The following ASPH variants were observed in gnomAD, a reference collection of about 807,000 sequenced individuals.
The protein encoded by ASPH is aspartate beta-hydroxylase.
Under a neutral mutation model 118.4 loss-of-function variants are expected in ASPH, and 100 were observed. The observed-to-expected ratio is 0.84, with a 90% CI of 0.72 to 1.00. The LOEUF (loss-of-function observed/expected upper bound fraction) is 1.00, where lower values mean the gene tolerates loss of function less well. Among genes scored for constraint, ASPH ranks in the 50% least tolerant of loss-of-function variants. The pLI is 0.00. For synonymous variants in ASPH, 315 were observed against 325.6 expected (o/e 0.97, Z 0.35); for missense variants, 920 against 919.5 (o/e 1.00, Z -0.01).
chr8:61,533,783 A>G (rs1439874249), intron 21 of ASPH, among the ~76,000 whole-genome samples: 1 of 152,136 alleles, frequency 6.6e-6, no homozygotes, highest in Non-Finnish European at 1.5e-5. Context: ...CAAATCATCT[A>G]CTTCTGTTTT....
intron 1 of ASPH, among the ~76,000 whole-genome samples, chr8:61,686,376 A>T (rs1425538963): frequency 6.6e-6 from 1 of 152,106 alleles, no homozygotes; most frequent in African/African-American, 2.4e-5. Flanking sequence ...GGTTTCCAAA[A>T]TTTTTATGTG....
At chr8:61,573,561 A>G (rs1178691464) in intron 16 of ASPH, among the ~76,000 whole-genome samples, 3 of 152,190 alleles carry the variant, frequency 2.0e-5, no homozygotes, top group Admixed American at 1.3e-4. Context: ...ATAACATCAC[A>G]CATCTACAAC....
intron 4 of ASPH, 28 bp from the exon 5 acceptor site, chr8:61,651,152 T>G: frequency 1.9e-6 from 3 of 1,588,240 alleles, no homozygotes; most frequent in Non-Finnish European, 2.6e-6. Context: ...CATAGCTAAG[T>G]AGAAAAGCTC....
At chr8:61,583,674 C>T in intron 15 of ASPH, 4 of 333,754 alleles carry the variant, frequency 1.2e-5, no homozygotes, top group Non-Finnish European at 1.6e-5. Flanking sequence ...AAGTGGTTTC[C>T]CCAAAGCTGC....
chr8:61,557,921 C>T (rs4310199), intron 18 of ASPH, among the ~76,000 whole-genome samples: 49,681 of 152,118 alleles, frequency 0.33, 10,785 homozygotes, highest in African/African-American at 0.62. Context: ...GAGGGATTAT[C>T]ATAATTATTA....
chr8:61,700,508 C>T (rs890934345), intron 1 of ASPH, among the ~76,000 whole-genome samples: 1 of 152,158 alleles, frequency 6.6e-6, no homozygotes, highest in Admixed American at 6.5e-5. Flanking sequence ...CAACTGTGCA[C>T]AACGAATGGA....
chr8:61,578,385 G>T, intron 15 of ASPH: 1 of 1,604,764 alleles, frequency 6.2e-7, no homozygotes, highest in South Asian at 1.1e-5. Flanking sequence ...CGGCTATAGT[G>T]GGGCCAGCGG....
intron 18 of ASPH, among the ~76,000 whole-genome samples, chr8:61,559,977 C>T (rs892689651): frequency 1.3e-5 from 2 of 152,080 alleles, no homozygotes; most frequent in African/African-American, 4.8e-5. Context: ...ATAAACCTGT[C>T]CCTGCTCAGG....
chr8:61,540,176 T>C (rs916176870), intron 21 of ASPH, among the ~76,000 whole-genome samples: 1 of 152,204 alleles, frequency 6.6e-6, no homozygotes, highest in Non-Finnish European at 1.5e-5. Context: ...TGCCAAATTA[T>C]ATTTACACAA....
intron 21 of ASPH, among the ~76,000 whole-genome samples, chr8:61,543,899 A>T (rs557044936): frequency 4.0e-5 from 6 of 151,562 alleles, no homozygotes; most frequent in African/African-American, 1.4e-4. Flanking sequence ...TTGTAATGTT[A>T]AAAAAAATAC....
chr8:61,504,173 A>G (rs1045643932), intron 24 of ASPH, among the ~76,000 whole-genome samples: 8 of 152,210 alleles, frequency 5.3e-5, no homozygotes, highest in Non-Finnish European at 1.0e-4. Context: ...CTGCGATCTA[A>G]ATATAGTGTT....
intron 15 of ASPH, chr8:61,579,802 G>A: frequency 1.4e-6 from 1 of 721,022 alleles, no homozygotes; most frequent in South Asian, 1.5e-5. Flanking sequence ...CAGCCCACCT[G>A]GGGAGTTTAC....
At chr8:61,693,307 C>T (rs1209027965) in intron 1 of ASPH, among the ~76,000 whole-genome samples, 2 of 152,212 alleles carry the variant, frequency 1.3e-5, no homozygotes, top group African/African-American at 2.4e-5. Flanking sequence ...CCTCTTCACA[C>T]CTTGTTTCTT....
At chr8:61,683,603 G>GA (rs11391041) in intron 2 of ASPH, 28,250 of 155,558 alleles carry the variant, frequency 0.18, 2,726 homozygotes, top group South Asian at 0.36. Flanking sequence ...CAGAGACACA[G>GA]AAGGGTGTAC....
At chr8:61,711,673 C>T (rs990512535) in intron 1 of ASPH, among the ~76,000 whole-genome samples, 6 of 151,952 alleles carry the variant, frequency 3.9e-5, no homozygotes, top group Non-Finnish European at 7.4e-5. Flanking sequence ...AAGAAATCAC[C>T]TTTTCCCTAA....
At chr8:61,589,230 T>G (rs1301591553) in intron 14 of ASPH, among the ~76,000 whole-genome samples, 2 of 152,240 alleles carry the variant, frequency 1.3e-5, no homozygotes, top group South Asian at 2.1e-4. Context: ...AAAGGTAAAT[T>G]TTACTGTATG....
chr8:61,577,399 CAAAAAAAAAAAA>C (rs775523503), intron 15 of ASPH, among the ~76,000 whole-genome samples: 43 of 23,292 alleles, frequency 1.8e-3, no homozygotes, highest in Admixed American at 6.9e-4. Flanking sequence ...CCCAATCTCG[CAAAAAAAAAAAA>C]AAAAAAAAAA....
rs1817623414 is a variant in ASPH at position 61,662,852 on chromosome 8, C to A, written c.323-9192G>T. 3 of 983,818 alleles carry A rather than the reference C, an allele frequency of 3.0e-6. No homozygotes were observed. In the South Asian group the frequency reaches 1.4e-4, roughly 46 times the overall value. 60.9% of individuals were successfully genotyped at this position (983,818 alleles called of 1,614,324 possible). On this transcript the variant is annotated intron_variant, in intron 3 of 24. Coordinates refer to ENST00000379454, the MANE Select transcript of ASPH (RefSeq NM_004318.4). ...AAGTACTTTACTAAATAGCAATAGA[C>A]AATTCTTATGTGCTTTTGATGATTA...
At position 61,500,560 on chromosome 8, in the gene ASPH, A is replaced by C. The variant is rs1242629494; in HGVS notation, c.*2799T>G. On this transcript the variant is annotated 3_prime_UTR_variant, in exon 25 of 25. Coordinates refer to ENST00000379454, the MANE Select transcript of ASPH (RefSeq NM_004318.4). Reference sequence around the variant, plus strand: ...GAGAAGACTAGAAATGCAGGATGAAATGTCAAAGGTCATTTTATTTACCTA... The same window carrying C: ...GAGAAGACTAGAAATGCAGGATGAACTGTCAAAGGTCATTTTATTTACCTA... 2.0e-5 allele frequency: 3 copies of C among 152,244 alleles called. No homozygotes were observed. Among genetic ancestry groups the C allele is most frequent in the African/African-American group, 4.8e-5 (2 of 41,470 alleles). 9.4% of individuals were successfully genotyped at this position (152,244 alleles called of 1,614,324 possible).
Sources: allele counts gnomAD v4.1 joint callset (sites outside exome capture counted in the v4.1 genomes callset), GRCh38; gene constraint gnomAD v4.1.1; transcripts MANE v1.5; gene names NCBI Gene and HGNC (gene_info 2026-07-23, HGNC 2026-07-21).